CNTNAP2: variants seen among roughly 807,000 people sequenced by gnomAD.
The protein encoded by CNTNAP2 is contactin associated protein 2.
A neutral mutation model predicts 155.2 loss-of-function variants in CNTNAP2; 98 were observed. The ratio of observed to expected loss-of-function variants is 0.63; its 90% CI spans 0.54 to 0.75. The LOEUF (loss-of-function observed/expected upper bound fraction) is 0.75, where lower values mean the gene tolerates loss of function less well. Among genes scored for constraint, CNTNAP2 ranks in the 30% least tolerant of loss-of-function variants. The pLI is 0.00. For synonymous variants in CNTNAP2, 651 were observed against 631.2 expected, an observed-to-expected ratio of 1.03 and a Z score of -0.47; for missense variants, 1,727 against 1,688.1, an observed-to-expected ratio of 1.02 and a Z score of -0.40.
At chr7:147,373,699 T>C (rs967926456) in intron 9 of CNTNAP2, among the ~76,000 whole-genome samples, 3 of 152,058 alleles carry the variant, frequency 2.0e-5, no homozygotes, top group African/African-American at 7.2e-5. Flanking sequence ...TGGAATTTAG[T>C]AGTGTTTGTA....
chr7:146,517,442 A>C (rs980477791), intron 1 of CNTNAP2, among the ~76,000 whole-genome samples: 1 of 151,994 alleles, frequency 6.6e-6, no homozygotes, highest in African/African-American at 2.4e-5. Context: ...GAGAAGAGTA[A>C]TCTAGCACAA....
chr7:148,409,325 G>C, intron 22 of CNTNAP2, 66 bp from the exon 23 acceptor site: 1 of 1,209,974 alleles, frequency 8.3e-7, no homozygotes, highest in Non-Finnish European at 1.2e-6. Flanking sequence ...TGAAGAAATA[G>C]GTATCAAATT....
chr7:146,689,544 A>G (rs1237715845), intron 1 of CNTNAP2, among the ~76,000 whole-genome samples: 2 of 152,098 alleles, frequency 1.3e-5, no homozygotes, highest in African/African-American at 4.8e-5. Context: ...TCTTTCATTT[A>G]TCTGTCTGTA....
At chr7:147,328,047 G>A (rs1268559416) in intron 9 of CNTNAP2, among the ~76,000 whole-genome samples, 4 of 151,728 alleles carry the variant, frequency 2.6e-5, no homozygotes, top group African/African-American at 7.3e-5. Flanking sequence ...ACAAATTTTT[G>A]GAAAAAAAAT....
intron 1 of CNTNAP2, among the ~76,000 whole-genome samples, chr7:146,232,569 GT>G (rs1799403835): frequency 6.6e-6 from 1 of 151,730 alleles, no homozygotes; most frequent in East Asian, 1.9e-4. Context: ...AGAATCTATT[GT>G]TTTTTTGGTT....
intron 11 of CNTNAP2, among the ~76,000 whole-genome samples, chr7:147,549,244 T>C (rs1330115257): frequency 6.6e-6 from 1 of 152,198 alleles, no homozygotes; most frequent in Admixed American, 6.5e-5. Flanking sequence ...GATGAAATGT[T>C]TTTCCATTTG....
intron 4 of CNTNAP2, among the ~76,000 whole-genome samples, chr7:147,046,283 C>T (rs530943998): frequency 3.4e-4 from 51 of 152,118 alleles, no homozygotes; most frequent in African/African-American, 8.9e-4. Flanking sequence ...ACTGCAACTC[C>T]TTAAACATAA....
intron 3 of CNTNAP2, among the ~76,000 whole-genome samples, chr7:146,850,223 T>A (rs1057356436): frequency 4.6e-5 from 7 of 152,240 alleles, no homozygotes; most frequent in Non-Finnish European, 8.8e-5. Context: ...GAATAGACTT[T>A]GGCTTCTAGA....
At chr7:148,207,477 T>C (rs1483242430) in intron 18 of CNTNAP2, among the ~76,000 whole-genome samples, 2 of 152,256 alleles carry the variant, frequency 1.3e-5, no homozygotes, top group East Asian at 3.9e-4. Flanking sequence ...CACAGATGCC[T>C]CTCAGTCAAG....
At chr7:148,286,322 G>A (rs916489027) in intron 21 of CNTNAP2, among the ~76,000 whole-genome samples, 8 of 152,130 alleles carry the variant, frequency 5.3e-5, no homozygotes, top group Non-Finnish European at 1.5e-5. Context: ...TCTCTGTGTC[G>A]ATCCTAGTGC....
intron 15 of CNTNAP2, among the ~76,000 whole-genome samples, chr7:148,087,861 T>C (rs1414135548): frequency 1.3e-5 from 2 of 152,146 alleles, no homozygotes; most frequent in African/African-American, 2.4e-5. Flanking sequence ...AGATGGAAAA[T>C]ACAAGTTATT....
At chr7:146,237,021 A>C (rs1475992595) in intron 1 of CNTNAP2, among the ~76,000 whole-genome samples, 1 of 152,140 alleles carries the variant, frequency 6.6e-6, no homozygotes, top group East Asian at 1.9e-4. Flanking sequence ...TATAAAGGGA[A>C]AGTACTAACG....
intron 10 of CNTNAP2, among the ~76,000 whole-genome samples, chr7:147,412,157 T>C (rs1162386460): frequency 1.3e-5 from 2 of 152,184 alleles, no homozygotes; most frequent in African/African-American, 2.4e-5. Flanking sequence ...TAACTTCTTA[T>C]TGCCCTTAAG....
At chr7:146,353,097 A>T (rs1441013283) in intron 1 of CNTNAP2, among the ~76,000 whole-genome samples, 2 of 152,112 alleles carry the variant, frequency 1.3e-5, no homozygotes. Context: ...CGAAACTCTT[A>T]AAAAAGACAT....
chr7:146,211,549 A>G (rs1371580258), intron 1 of CNTNAP2, among the ~76,000 whole-genome samples: 1 of 152,032 alleles, frequency 6.6e-6, no homozygotes, highest in African/African-American at 2.4e-5. Context: ...AATTTTAGTA[A>G]CAGTTTTGTG....
chr7:147,715,191 C>T (rs1563062777), intron 13 of CNTNAP2, among the ~76,000 whole-genome samples: 1 of 152,066 alleles, frequency 6.6e-6, no homozygotes, highest in Non-Finnish European at 1.5e-5. Context: ...GGACAAATGT[C>T]CACATGTATA....
intron 3 of CNTNAP2, among the ~76,000 whole-genome samples, chr7:147,013,264 G>A (rs894765378): frequency 1.1e-4 from 16 of 152,094 alleles, no homozygotes; most frequent in Admixed American, 4.6e-4. Context: ...TCCCTGGAAT[G>A]ATGGTTTGCA....
chr7:146,961,864 C>A (rs763180358), intron 3 of CNTNAP2, among the ~76,000 whole-genome samples: 5 of 152,092 alleles, frequency 3.3e-5, no homozygotes, highest in Non-Finnish European at 7.3e-5. Context: ...AAATTTGACT[C>A]CTGAAATCAC....
intron 13 of CNTNAP2, among the ~76,000 whole-genome samples, chr7:147,793,229 C>T (rs1797847162): frequency 6.6e-6 from 1 of 151,922 alleles, no homozygotes; most frequent in African/African-American, 2.4e-5. Flanking sequence ...GTTGCTTGTG[C>T]TTAAGTATCA....
Sources: allele counts gnomAD v4.1 joint callset (sites outside exome capture counted in the v4.1 genomes callset), GRCh38; gene constraint gnomAD v4.1.1; transcripts MANE v1.5; gene names NCBI Gene and HGNC (gene_info 2026-07-23, HGNC 2026-07-21).